Variants in INPP4B observed in about 807,000 individuals in gnomAD.
INPP4B encodes the protein inositol polyphosphate 4-phosphatase type II.
A neutral mutation model predicts 122.5 loss-of-function variants in INPP4B; 55 were observed. The observed-to-expected ratio is 0.45, with a 90% CI of 0.36 to 0.56. The LOEUF is 0.56. Ranked by LOEUF, INPP4B falls within the 20% of genes least tolerant of loss-of-function variation. The pLI, the probability that INPP4B is intolerant of heterozygous loss-of-function variation, is 0.00. For synonymous variants in INPP4B, 403 were observed against 388.7 expected (o/e 1.04, Z -0.43); for missense variants, 1,000 against 1,097.7 (o/e 0.91, Z 1.26).
intron 25 of INPP4B, among the ~76,000 whole-genome samples, chr4:142,075,934 A>C (rs1192003987): frequency 1.3e-5 from 2 of 152,072 alleles, no homozygotes; most frequent in African/African-American, 4.8e-5. Context: ...TATTTGTTTC[A>C]ATTAGATTCA....
At chr4:142,536,060 C>A (rs149814728) in intron 2 of INPP4B, among the ~76,000 whole-genome samples, 311 of 152,266 alleles carry the variant, frequency 2.0e-3, no homozygotes, top group Non-Finnish European at 3.2e-3. Flanking sequence ...CTGCATTTCT[C>A]CCCACAGAGC....
intron 12 of INPP4B, among the ~76,000 whole-genome samples, chr4:142,213,165 G>A (rs1845607470): frequency 6.6e-6 from 1 of 152,176 alleles, no homozygotes; most frequent in Non-Finnish European, 1.5e-5. Flanking sequence ...TGAAGGCACT[G>A]TGAGAGGAAA....
At chr4:142,609,520 A>G (rs1006786961) in intron 2 of INPP4B, among the ~76,000 whole-genome samples, 1 of 152,084 alleles carries the variant, frequency 6.6e-6, no homozygotes, top group Admixed American at 6.6e-5. Context: ...ACATTGGTGG[A>G]TATCATATCA....
chr4:142,195,786 A>G (rs1247821297), intron 14 of INPP4B, among the ~76,000 whole-genome samples: 1 of 152,182 alleles, frequency 6.6e-6, no homozygotes, highest in Non-Finnish European at 1.5e-5. Context: ...AAGTTTAAAT[A>G]ACTAACTTTT....
At chr4:142,276,013 C>A (rs142627313) in intron 9 of INPP4B, among the ~76,000 whole-genome samples, 1 of 151,806 alleles carries the variant, frequency 6.6e-6, no homozygotes, top group East Asian at 1.9e-4. Flanking sequence ...ATTAGTAGCA[C>A]ATCATTCTCC....
rs142973679 is a variant in INPP4B, at chr4:142,750,397, C to T, written c.-253-24496G>A. ...GTAATAAAAAATGACCAAACTGCCC[C>T]ATGAAAGAGGAATGATTAAAGAATC... On this transcript the variant is annotated intron_variant, in intron 1 of 25. Coordinates refer to ENST00000262992, the MANE Select transcript of INPP4B (RefSeq NM_001101669.3). Among the ~76,000 whole-genome samples the T allele has an allele frequency of 1.9e-3, 285 of 152,120 alleles. 2 individuals are homozygous for T. Among genetic ancestry groups the T allele is most frequent in the Non-Finnish European group, 3.2e-3 (217 of 67,982 alleles).
At chr4:142,552,586 ATTCTT>A (rs1366119846) in intron 2 of INPP4B, among the ~76,000 whole-genome samples, 2 of 152,194 alleles carry the variant, frequency 1.3e-5, no homozygotes, top group African/African-American at 4.8e-5. Context: ...ACCTAAGAAT[ATTCTT>A]GGAAAGTGCA....
At chr4:142,387,143 C>T (rs375208447) in intron 7 of INPP4B, among the ~76,000 whole-genome samples, 2 of 152,054 alleles carry the variant, frequency 1.3e-5, no homozygotes, top group East Asian at 3.9e-4. Flanking sequence ...TTACATCCCA[C>T]TGGGTCAGAA....
At chr4:142,809,213 A>G (rs985505513) in intron 1 of INPP4B, among the ~76,000 whole-genome samples, 1 of 152,092 alleles carries the variant, frequency 6.6e-6, no homozygotes, top group Non-Finnish European at 1.5e-5. Context: ...TCCAAAATAT[A>G]ATTTTATTTC....
At chr4:142,744,349 T>C in intron 1 of INPP4B, among the ~76,000 whole-genome samples, 1 of 151,766 alleles carries the variant, frequency 6.6e-6, no homozygotes, top group East Asian at 1.9e-4. Context: ...ATAATAGTAG[T>C]CTTAGGAAGA....
intron 14 of INPP4B, among the ~76,000 whole-genome samples, chr4:142,207,061 C>T (rs1253206986): frequency 6.6e-6 from 1 of 152,138 alleles, no homozygotes; most frequent in African/African-American, 2.4e-5. Context: ...ATTTGTCCCT[C>T]TGTATCCTGG....
intron 2 of INPP4B, among the ~76,000 whole-genome samples, chr4:142,695,557 C>G (rs556254957): frequency 1.3e-5 from 2 of 152,144 alleles, no homozygotes; most frequent in South Asian, 4.2e-4. Context: ...TGAAAATTAT[C>G]AGTTTATTTT....
At chr4:142,677,396 G>T (rs1391707270) in intron 2 of INPP4B, among the ~76,000 whole-genome samples, 1 of 152,178 alleles carries the variant, frequency 6.6e-6, no homozygotes, top group South Asian at 2.1e-4. Flanking sequence ...CTGTTGGTTG[G>T]AGTGTAAATT....
chr4:142,134,896 A>G (rs1014901303), intron 18 of INPP4B, among the ~76,000 whole-genome samples: 2 of 151,664 alleles, frequency 1.3e-5, no homozygotes, highest in African/African-American at 4.8e-5. Context: ...AATTCTCAAT[A>G]TTCATATGTA....
chr4:142,625,751 A>G (rs779486411), intron 2 of INPP4B, among the ~76,000 whole-genome samples: 137 of 152,282 alleles, frequency 9.0e-4, no homozygotes, highest in Non-Finnish European at 1.6e-3. Flanking sequence ...TGCAACAGTA[A>G]CCAAAACAGC....
intron 7 of INPP4B, among the ~76,000 whole-genome samples, chr4:142,323,042 C>A (rs532087721): frequency 7.9e-5 from 12 of 152,098 alleles, no homozygotes. Context: ...ACACATTGTG[C>A]CATGTTCAAG....
intron 2 of INPP4B, among the ~76,000 whole-genome samples, chr4:142,538,184 C>T (rs1473385862): frequency 6.6e-6 from 1 of 152,014 alleles, no homozygotes; most frequent in Non-Finnish European, 1.5e-5. Flanking sequence ...AGTGGTTTCC[C>T]ATACTCCTTC....
chr4:142,075,715 C>A (rs1056688970), intron 25 of INPP4B, among the ~76,000 whole-genome samples: 1 of 151,886 alleles, frequency 6.6e-6, no homozygotes, highest in African/African-American at 2.4e-5. Context: ...ACTTCATGCC[C>A]ACTGGGTGCA....
chr4:142,200,268 TA>T (rs1419622515), intron 14 of INPP4B, among the ~76,000 whole-genome samples: 4 of 152,018 alleles, frequency 2.6e-5, no homozygotes, highest in African/African-American at 7.2e-5. Context: ...CCTATTCTAT[TA>T]AAAAAAATTT....
Sources: allele counts gnomAD v4.1 joint callset (sites outside exome capture counted in the v4.1 genomes callset), GRCh38; gene constraint gnomAD v4.1.1; transcripts MANE v1.5; gene names NCBI Gene and HGNC (gene_info 2026-07-23, HGNC 2026-07-21).